The following SFXN5 variants were observed in gnomAD, a reference collection of about 807,000 sequenced individuals.
SFXN5 encodes sideroflexin-5.
SFXN5 carries 43 observed loss-of-function variants against 50.2 expected under a neutral mutation model. The ratio of observed to expected loss-of-function variants is 0.86; its 90% CI spans 0.67 to 1.11. The LOEUF (loss-of-function observed/expected upper bound fraction) is 1.11. Among genes scored for constraint, SFXN5 ranks in the 50% least tolerant of loss-of-function variants. The pLI is 0.00. For missense variants in SFXN5, 463 were observed against 454.1 expected (o/e 1.02, Z -0.18); for synonymous variants, 203 against 185.8 (o/e 1.09, Z -0.75).
intron 2 of SFXN5, chr2:73,049,062 A>G (rs1488019655): frequency 6.6e-6 from 1 of 152,248 alleles, no homozygotes; most frequent in Non-Finnish European, 1.5e-5. Context: ...TAGTATTACT[A>G]TGTTATCTTA....
chr2:73,059,710 T>G (rs910517740), intron 1 of SFXN5: 2 of 980,476 alleles, frequency 2.0e-6, no homozygotes, highest in Admixed American at 6.2e-5. Flanking sequence ...TTTGGTCCAT[T>G]CCTAACAGAA....
At chr2:73,059,031 G>GCCCAGC in intron 1 of SFXN5, 1 of 1,000,264 alleles carries the variant, frequency 1.0e-6, no homozygotes, top group African/African-American at 1.7e-5. Flanking sequence ...CCTCCCCAAG[G>GCCCAGC]TCCAGCTCTG....
At chr2:73,024,895 A>G (rs1460580829) in intron 3 of SFXN5, among the ~76,000 whole-genome samples, 1 of 152,234 alleles carries the variant, frequency 6.6e-6, no homozygotes, top group East Asian at 1.9e-4. Flanking sequence ...TTGATACATT[A>G]AAGTTTATGC....
intron 10 of SFXN5, among the ~76,000 whole-genome samples, chr2:72,974,322 C>T (rs1670371598): frequency 6.6e-6 from 1 of 152,064 alleles, no homozygotes; most frequent in Non-Finnish European, 1.5e-5. Context: ...TCACTCTCTC[C>T]CTGTAATCTC....
At chr2:72,948,725 G>T (rs1421328500) in intron 13 of SFXN5, among the ~76,000 whole-genome samples, 2 of 152,216 alleles carry the variant, frequency 1.3e-5, no homozygotes, top group Non-Finnish European at 2.9e-5. Context: ...GGTAGGAGCA[G>T]GGGGAGATGC....
In SFXN5 at chr2:72,968,443, C is replaced by T. The variant is rs775074087; in HGVS notation, c.827+5G>A. On this transcript the variant is annotated splice_donor_5th_base_variant and intron_variant, in intron 12 of 13. Coordinates refer to ENST00000272433, the MANE Select transcript of SFXN5 (RefSeq NM_144579.3). ...GGCCTCTCCATCCTGGCTGCCCCAA[C>T]TCACTTCTCCAGCATGGACATGACG... 1.2e-6 allele frequency: 2 copies of T among 1,611,600 alleles called. No individual in the cohort carries two copies. The highest frequency in any genetic ancestry group is 1.7e-6 in the Non-Finnish European group (2 of 1,179,164).
chr2:73,028,657 T>C (rs1207372441), intron 3 of SFXN5, among the ~76,000 whole-genome samples: 1 of 152,222 alleles, frequency 6.6e-6, no homozygotes, highest in Non-Finnish European at 1.5e-5. Context: ...TTCTATTTTG[T>C]ATTGAGTCTC....
At chr2:72,972,895 T>C (rs1670189770) in intron 10 of SFXN5, among the ~76,000 whole-genome samples, 1 of 152,186 alleles carries the variant, frequency 6.6e-6, no homozygotes, top group Non-Finnish European at 1.5e-5. Flanking sequence ...CAACACCTGC[T>C]GCTTCCCCCT....
chr2:72,999,141 G>T, intron 8 of SFXN5, 127 bp from the exon 9 acceptor site: 1 of 930,712 alleles, frequency 1.1e-6, no homozygotes, highest in Non-Finnish European at 1.7e-6. Context: ...GAAGGAAGAG[G>T]CCCCTCAGGA....
At chr2:72,990,834 G>C (rs768828035) in intron 9 of SFXN5, among the ~76,000 whole-genome samples, 1 of 152,130 alleles carries the variant, frequency 6.6e-6, no homozygotes, top group Non-Finnish European at 1.5e-5. Context: ...GCGTTTGAAC[G>C]GCACATCTGC....
chr2:73,002,400 T>C (rs1258074495), intron 6 of SFXN5, among the ~76,000 whole-genome samples: 3 of 152,248 alleles, frequency 2.0e-5, no homozygotes, highest in African/African-American at 4.8e-5. Context: ...TGGCCAAGCC[T>C]TGGACTTCAG....
At chr2:73,052,336 G>A (rs1559208021) in intron 2 of SFXN5, among the ~76,000 whole-genome samples, 1 of 124,776 alleles carries the variant, frequency 8.0e-6, no homozygotes, top group Non-Finnish European at 1.6e-5. Flanking sequence ...ATGTAAGAGA[G>A]AGAGTGTGTG....
intron 2 of SFXN5, among the ~76,000 whole-genome samples, chr2:73,043,662 G>A (rs546962562): frequency 5.3e-5 from 8 of 152,238 alleles, no homozygotes; most frequent in African/African-American, 1.4e-4. Flanking sequence ...TCCCGGATAC[G>A]TTCATTTCCA....
At chr2:73,063,022 C>A (rs1341226212) in intron 1 of SFXN5, among the ~76,000 whole-genome samples, 1 of 152,172 alleles carries the variant, frequency 6.6e-6, no homozygotes, top group Admixed American at 6.5e-5. Flanking sequence ...GGCTGACCGA[C>A]TGTGGGGAAA....
intron 10 of SFXN5, among the ~76,000 whole-genome samples, chr2:72,984,368 T>C (rs1443531632): frequency 6.6e-6 from 1 of 152,136 alleles, no homozygotes; most frequent in Non-Finnish European, 1.5e-5. Flanking sequence ...ACACACACAC[T>C]CTGAAAAACT....
intron 6 of SFXN5, among the ~76,000 whole-genome samples, chr2:73,017,263 A>G (rs1340215986): frequency 6.6e-6 from 1 of 152,198 alleles, no homozygotes; most frequent in African/African-American, 2.4e-5. Flanking sequence ...AGAAGGAGGT[A>G]GCAGGGATAG....
At chr2:73,011,752 TAAAAA>T (rs1675529008) in intron 6 of SFXN5, among the ~76,000 whole-genome samples, 1 of 152,226 alleles carries the variant, frequency 6.6e-6, no homozygotes, top group African/African-American at 2.4e-5. Flanking sequence ...GCAAAAACGT[TAAAAA>T]GATGAATGAA....
chr2:73,024,827 T>A (rs1396981152), intron 3 of SFXN5, among the ~76,000 whole-genome samples: 1 of 152,172 alleles, frequency 6.6e-6, no homozygotes, highest in East Asian at 1.9e-4. Flanking sequence ...ATCTGGAACA[T>A]AAATTAAGCT....
At chr2:73,058,340 G>A (rs556730471) in intron 2 of SFXN5, 188 bp downstream of exon 2, 1 of 563,262 alleles carries the variant, frequency 1.8e-6, no homozygotes, top group African/African-American at 1.9e-5. Context: ...TATCAACTCA[G>A]ATACAGACAG....
Sources: allele counts gnomAD v4.1 joint callset (sites outside exome capture counted in the v4.1 genomes callset), GRCh38; gene constraint gnomAD v4.1.1; transcripts MANE v1.5; gene names NCBI Gene and HGNC (gene_info 2026-07-23, HGNC 2026-07-21).